The following GPR142 variants were observed in gnomAD, a reference collection of about 807,000 sequenced individuals.
The protein encoded by GPR142 is G protein-coupled receptor 142.
Under a neutral mutation model 10.6 loss-of-function variants are expected in GPR142, and 9 were observed. The ratio of observed to expected loss-of-function variants is 0.85; its 90% CI spans 0.51 to 1.48. GPR142 has a LOEUF of 1.48. Among genes scored for constraint, GPR142 ranks in the 40% most tolerant of loss-of-function variants. The probability of loss-of-function intolerance (pLI) is 0.00; values close to 1 mark genes in which losing one functional copy is unlikely to be tolerated. For missense variants in GPR142, 482 were observed against 506.0 expected (o/e 0.95, Z 0.45); for synonymous variants, 202 against 221.2 (o/e 0.91, Z 0.77).
At position 74,369,313 on chromosome 17, in the gene GPR142, G is replaced by A. The variant is rs2055005436; in HGVS notation, c.-73-155G>A. Among the ~76,000 whole-genome samples, 5 of 152,060 alleles carry A rather than the reference G, an allele frequency of 3.3e-5. No individual in the cohort carries two copies. The South Asian group carries it at 1.0e-3, about 32-fold the overall frequency. On this transcript the variant is annotated intron_variant, in intron 1 of 3. Transcript: ENST00000582579. ...CCACCCTCAGCTCGTCTCTCCTGAAGCTGAAGCCCCTGCCCAGCCCGACCC... is the reference window on the plus strand; with the variant it reads ...CCACCCTCAGCTCGTCTCTCCTGAAACTGAAGCCCCTGCCCAGCCCGACCC...
rs147009960 is a variant in GPR142, at chr17:74,371,743, G to A, written c.268G>A (p.Ala90Thr). 970 of 1,601,438 alleles carry A rather than the reference G, an allele frequency of 6.1e-4. 1 individual carries two copies. The highest frequency in any genetic ancestry group is 7.5e-4 in the Non-Finnish European group (882 of 1,174,012). ...GCTGCCCTCAGTCAGCCTCCTGACC[G>A]CAGTGGCCCTGGCGCGCCTTGCCAC... ...GLGLPVSLLT[A>T]VALARLATRT... Residue 90 changes from alanine (A) to threonine (T), a missense_variant, in exon 4 of 4, where the codon GCA becomes ACA. Coordinates refer to ENST00000582579, the MANE Select transcript of GPR142 (RefSeq NM_001331076.1).
chr17:74,371,844 G>A lies in GPR142; in HGVS notation c.369G>A (p.Val123=). The A allele has an allele frequency of 6.2e-7, 1 of 1,613,706 alleles. No individual in the cohort carries two copies. The highest frequency in any genetic ancestry group is 1.1e-5 in the South Asian group (1 of 91,078). The change falls in exon 4 of 4, where the codon GTG becomes GTA. Residue 123 remains valine, a synonymous_variant. Transcript: ENST00000582579. ...ATATCATCATCCAGGTGGTCATCGT[G>A]TTCGCGGGCTTCCTCCTGCAGGGAG... is the stretch of plus-strand genomic sequence containing the variant. ...ASDIIIQVVI[V]FAGFLLQGAV...
At position 74,372,122 on chromosome 17, in the gene GPR142, ACT is replaced by A; in HGVS notation, c.649_650del (p.Ser217ThrfsTer?). 1.9e-6 allele frequency: 3 copies of A among 1,614,028 alleles called. No homozygotes were observed. The highest frequency in any genetic ancestry group is 2.5e-6 in the Non-Finnish European group (3 of 1,179,998). On this transcript the variant is annotated frameshift_variant, in exon 4 of 4. Transcript: ENST00000582579. LOFTEE classifies it low-confidence loss of function (END_TRUNC). ...TGGCTGGACATGTGGAGAGACACCG[ACT>A]CACCCAGAACACTGGACGAGGTCCT...
In GPR142 at chr17:74,369,466, A is replaced by G. The variant is rs368449707; in HGVS notation, c.-73-2A>G. On this transcript the variant is annotated splice_acceptor_variant, in intron 1 of 3. Coordinates refer to ENST00000582579, the MANE Select transcript of GPR142 (RefSeq NM_001331076.1). LOFTEE classifies it low-confidence loss of function (5UTR_SPLICE). ...CCCCCGCCCCGCCCCCTGCACTAAC[A>G]GGCTCAGTGTCTGCGTAAGGATCCT... The G allele has an allele frequency of 3.2e-6, 5 of 1,555,370 alleles. No individual in the cohort carries two copies. The highest frequency in any genetic ancestry group is 3.9e-5 in the Admixed American group (2 of 51,306).
In GPR142 at chr17:74,369,626, G is replaced by T. The variant is rs750700717; in HGVS notation, c.86G>T (p.Arg29Leu). The T allele has an allele frequency of 2.6e-6, 4 of 1,546,972 alleles. No individual in the cohort carries two copies. The highest frequency in any genetic ancestry group is 3.5e-6 in the Non-Finnish European group (4 of 1,145,726). Residue 29 changes from arginine (R) to leucine (L), a missense_variant, in exon 2 of 4, where the codon CGA becomes CTA. Transcript: ENST00000582579. ...SGPQSMGLEG[R>L]ETAGQPRVTL... ...CCCCAGAGCATGGGGCTTGAGGGAC[G>T]AGAGACAGGTAAGGCATCTTGAAGT... is the stretch of plus-strand genomic sequence containing the variant.
chr17:74,371,530 C>A (rs528843467), intron 3 of GPR142, among the ~76,000 whole-genome samples, 199 bp from the exon 4 acceptor site: 1 of 152,304 alleles, frequency 6.6e-6, no homozygotes, highest in Non-Finnish European at 1.5e-5. Flanking sequence ...CAGTGGCCTG[C>A]AGTGGATGGA....
rs1340847032 is a variant in GPR142, at chr17:74,372,020, C to T, written c.545C>T (p.Ser182Leu). 14 of 1,613,660 alleles carry T rather than the reference C, an allele frequency of 8.7e-6. No homozygotes were observed. Among genetic ancestry groups the T allele is most frequent in the East Asian group, 2.2e-5 (1 of 44,880 alleles). The change falls in exon 4 of 4, where the codon TCG (serine) becomes TTG (leucine). Residue 182 changes from serine (S) to leucine (L), a missense_variant. Ser to Leu is a moderately radical substitution (Grantham distance 145). Transcript: ENST00000582579. Reference protein sequence around the residue: ...LCHPLHHRAASSPGRTRRAIA... With the variant: ...LCHPLHHRAALSPGRTRRAIA... ...CACCCCCTGCACCATCGGGCCGCCT[C>T]GTCCCCAGGCCGGACCCGCCGGGCC...
Position 74,370,543 on chromosome 17 carries a change from G to A in GPR142, c.117G>A (p.Leu39=). Residue 39 remains leucine (L), a synonymous_variant, in exon 3 of 4, where the codon CTG becomes CTA. Transcript: ENST00000582579. ...TAGCTGGCCAGCCACGAGTGACCCT[G>A]CTGCCCACGCCCCACGTCAGCGGGC... is the stretch of plus-strand genomic sequence containing the variant. ...RETAGQPRVT[L]LPTPHVSGLS... is the part of the protein sequence containing the mutation. 1 of 1,612,414 alleles carries A rather than the reference G, an allele frequency of 6.2e-7. No homozygotes were observed. Among genetic ancestry groups the A allele is most frequent in the Non-Finnish European group, 8.5e-7 (1 of 1,179,212 alleles).
Position 74,372,087 on chromosome 17 carries a change from C to T in GPR142, c.612C>T (p.Pro204=). 6.2e-7 allele frequency: 1 copy of T among 1,614,248 alleles called. No individual in the cohort carries two copies. The highest frequency in any genetic ancestry group is 8.5e-7 in the Non-Finnish European group (1 of 1,180,054). The change falls in exon 4 of 4, where the codon CCC becomes CCT. Residue 204 remains proline, a synonymous_variant. Transcript: ENST00000582579. ...VLSAALLTGI[P]FYWWLDMWRD... is the part of the protein sequence containing the mutation. ...GTGCTGCCCTGTTGACCGGCATCCC[C>T]TTCTACTGGTGGCTGGACATGTGGA...
At position 74,369,578 on chromosome 17, in the gene GPR142, C is replaced by T. The variant is rs1192652913; in HGVS notation, c.38C>T (p.Pro13Leu). 1.5e-5 allele frequency: 23 copies of T among 1,552,012 alleles called. No homozygotes were observed. The highest frequency in any genetic ancestry group is 2.0e-5 in the Non-Finnish European group (23 of 1,147,268). Residue 13 changes from proline to leucine, a missense_variant, in exon 2 of 4, where the codon CCA becomes CTA. Transcript: ENST00000582579. Reference sequence around the variant, plus strand: ...AGCTGCGGGGACCCTCAGAAAAAGCCACAGGTGACCCAGGACTCAGGGCCC... The same window carrying T: ...AGCTGCGGGGACCCTCAGAAAAAGCTACAGGTGACCCAGGACTCAGGGCCC... The part of the protein sequence containing the change: ...TGSCGDPQKK[P>L]QVTQDSGPQS...
At chr17:74,370,341 G>C (rs182158658) in intron 2 of GPR142, among the ~76,000 whole-genome samples, 180 bp from the exon 3 acceptor site, 104 of 152,262 alleles carry the variant, frequency 6.8e-4, no homozygotes, top group African/African-American at 2.5e-3. Context: ...GACATGGGGT[G>C]GGGGTGAGGG....
chr17:74,370,390 C>A, intron 2 of GPR142, 131 bp from the exon 3 acceptor site: 1 of 884,862 alleles, frequency 1.1e-6, no homozygotes, highest in Non-Finnish European at 1.6e-6. Context: ...AGACAGTGCA[C>A]TCAGCTGGGT....
Position 74,371,807 on chromosome 17 carries a change from T to C in GPR142, c.332T>C (p.Leu111Pro). ...RRPSYYYLLA[L>P]TASDIIIQVV... ...CCCTCCTACTACTACCTTCTGGCGC[T>C]CACAGCCTCGGATATCATCATCCAG... is the stretch of plus-strand genomic sequence containing the variant. The change falls in exon 4 of 4, where the codon CTC (leucine) becomes CCC (proline). Residue 111 changes from leucine to proline, a missense_variant. Leu to Pro is a moderately conservative substitution (Grantham distance 98). Coordinates refer to ENST00000582579, the MANE Select transcript of GPR142 (RefSeq NM_001331076.1). 6.8e-6 allele frequency: 11 copies of C among 1,613,528 alleles called. No individual in the cohort carries two copies. The highest frequency in any genetic ancestry group is 9.3e-6 in the Non-Finnish European group (11 of 1,180,012).
At chr17:74,368,000 G>C (rs1423624588) in intron 1 of GPR142, among the ~76,000 whole-genome samples, 1 of 152,166 alleles carries the variant, frequency 6.6e-6, no homozygotes, top group Non-Finnish European at 1.5e-5. Context: ...AACAAAGTGG[G>C]CTTGGCATGG....
In GPR142 at chr17:74,372,564, G is replaced by A. The variant is rs1352840541; in HGVS notation, c.1089G>A (p.Met363Ile). The change falls in exon 4 of 4, where the codon ATG (methionine) becomes ATA (isoleucine). Residue 363 changes from methionine (M) to isoleucine (I), a missense_variant. Met to Ile is a conservative substitution (Grantham distance 10). Coordinates refer to ENST00000582579, the MANE Select transcript of GPR142 (RefSeq NM_001331076.1). ...AGGGCATGGCGGCGAAGCCTGTGAT[G>A]GAGCCTCCGGGACTCCCCACAGGGG... ...QPEGMAAKPV[M>I]EPPGLPTGAE... The A allele has an allele frequency of 1.2e-6, 2 of 1,608,930 alleles. No homozygotes were observed. Among genetic ancestry groups the A allele is most frequent in the South Asian group, 2.2e-5 (2 of 91,084 alleles).
intron 1 of GPR142, 33 bp downstream of exon 1, chr17:74,367,827 A>G: frequency 6.5e-7 from 1 of 1,542,216 alleles, no homozygotes; most frequent in African/African-American, 1.4e-5. Context: ...ATGGGGCATC[A>G]TTGTAGCAAA....
chr17:74,369,746 A>G, intron 2 of GPR142, 112 bp downstream of exon 2: 1 of 1,058,356 alleles, frequency 9.4e-7, no homozygotes, highest in South Asian at 1.7e-5. Context: ...GCTGAGAGTG[A>G]GTGAGCAGTG....
At chr17:74,371,379 G>C (rs899790993) in intron 3 of GPR142, among the ~76,000 whole-genome samples, 5 of 152,078 alleles carry the variant, frequency 3.3e-5, no homozygotes, top group Non-Finnish European at 5.9e-5. Flanking sequence ...GGCTGGTCTT[G>C]AACTCCTGAC....
intron 1 of GPR142, among the ~76,000 whole-genome samples, chr17:74,368,940 C>T (rs1325154339): frequency 4.6e-5 from 7 of 152,024 alleles, no homozygotes; most frequent in Admixed American, 4.6e-4. Flanking sequence ...ACCTCCCCCA[C>T]CATGGCCACT....
Sources: gnomAD v4.1 joint callset for allele counts (sites outside exome capture counted in the v4.1 genomes callset) on GRCh38, gnomAD v4.1.1 for gene constraint, MANE v1.5 for transcripts, NCBI Gene and HGNC (gene_info 2026-07-23, HGNC 2026-07-21) for gene names.